Variants in SUN5 observed in about 807,000 individuals in gnomAD.
SUN5 encodes Sad1 and UNC84 domain containing 5, also known as SUN domain-containing protein 5.
SUN5 carries 44 observed loss-of-function variants against 53.7 expected under a neutral mutation model. The ratio of observed to expected loss-of-function variants is 0.82; its 90% CI spans 0.64 to 1.05. SUN5 has a LOEUF of 1.05. Among genes scored for constraint, SUN5 ranks in the 50% least tolerant of loss-of-function variants. The pLI, the probability that SUN5 is intolerant of heterozygous loss-of-function variation, is 0.00. For missense variants in SUN5, 433 were observed against 483.8 expected (o/e 0.90, Z 0.98); for synonymous variants, 166 against 179.8 (o/e 0.92, Z 0.62).
At chr20:32,997,548 T>G in intron 6 of SUN5, 90 bp downstream of exon 6, 1 of 1,467,824 alleles carries the variant, frequency 6.8e-7, no homozygotes, top group Non-Finnish European at 9.4e-7. Context: ...GGGGCCCCAT[T>G]TGGTGAGAAT....
intron 10 of SUN5, among the ~76,000 whole-genome samples, chr20:32,986,539 T>C (rs945067922): frequency 7.2e-5 from 11 of 152,002 alleles, no homozygotes; most frequent in African/African-American, 2.4e-4. Context: ...AGCCCAGGGG[T>C]GCAGGGGGCT....
chr20:32,985,368 G>A (rs1283785850), intron 11 of SUN5, among the ~76,000 whole-genome samples, 183 bp from the exon 12 acceptor site: 1 of 151,910 alleles, frequency 6.6e-6, no homozygotes, highest in Non-Finnish European at 1.5e-5. Flanking sequence ...TCAGAGCCTG[G>A]GGGTCTATGA....
intron 8 of SUN5, among the ~76,000 whole-genome samples, chr20:32,989,970 C>T (rs140149956): frequency 0.032 from 4,825 of 152,248 alleles, 104 homozygotes; most frequent in Non-Finnish European, 0.048. Flanking sequence ...GGGGCTCTGA[C>T]GTCAGGCCAA....
intron 2 of SUN5, 75 bp downstream of exon 2, chr20:33,002,786 G>T: frequency 1.2e-6 from 2 of 1,605,472 alleles, no homozygotes; most frequent in Admixed American, 3.4e-5. Flanking sequence ...GTAGCCCCAG[G>T]TTGCCCGTTT....
At chr20:33,000,706 G>A (rs998958561) in intron 4 of SUN5, among the ~76,000 whole-genome samples, 3 of 152,084 alleles carry the variant, frequency 2.0e-5, no homozygotes, top group Admixed American at 6.6e-5. Context: ...TTAGCCAGAC[G>A]TGGTGGTGTG....
Position 32,995,169 on chromosome 20 carries a change from A to G in SUN5, c.534+450T>C, listed in dbSNP as rs8120555. 6.6e-5 allele frequency among the ~76,000 whole-genome samples: 10 copies of G among 152,278 alleles called. No homozygotes were observed. In the East Asian group the frequency reaches 1.9e-3, roughly 29 times the overall value. On this transcript the variant is annotated intron_variant, in intron 8 of 12. Coordinates refer to ENST00000356173, the MANE Select transcript of SUN5 (RefSeq NM_080675.4). ...AAGTTTCCCAAAACTATTGAAAAAT[A>G]TCAACCCACAGATTTAATAAGCTCG... is the stretch of plus-strand genomic sequence containing the variant.
chr20:32,986,868 G>A (rs1280807043), intron 10 of SUN5, among the ~76,000 whole-genome samples: 1 of 152,170 alleles, frequency 6.6e-6, no homozygotes, highest in East Asian at 1.9e-4. Flanking sequence ...CTTGGCCTGT[G>A]CCCCTGCGTT....
intron 8 of SUN5, among the ~76,000 whole-genome samples, chr20:32,994,042 G>A (rs1366816934): frequency 6.6e-6 from 1 of 152,210 alleles, no homozygotes; most frequent in Admixed American, 6.5e-5. Flanking sequence ...TTGCGTTCAT[G>A]CAGGGGTGAG....
chr20:32,998,908 G>A (rs999259201), intron 5 of SUN5, among the ~76,000 whole-genome samples: 7 of 151,996 alleles, frequency 4.6e-5, no homozygotes, highest in African/African-American at 1.7e-4. Flanking sequence ...GATGGTGCAC[G>A]CTTATAGTCC....
chr20:32,990,637 C>T (rs992308570), intron 8 of SUN5, among the ~76,000 whole-genome samples: 1 of 152,208 alleles, frequency 6.6e-6, no homozygotes, highest in East Asian at 1.9e-4. Flanking sequence ...CCAGGCCACA[C>T]GGAGAGGCCA....
intron 3 of SUN5, 119 bp from the exon 4 acceptor site, chr20:33,001,397 G>T (rs1990004946): frequency 1.8e-6 from 2 of 1,130,294 alleles, no homozygotes; most frequent in South Asian, 2.8e-5. Flanking sequence ...CTCTCGACTT[G>T]TTGGCCGAGC....
chr20:33,002,793 G>C, intron 2 of SUN5, 68 bp downstream of exon 2: 2 of 1,607,806 alleles, frequency 1.2e-6, no homozygotes, highest in Non-Finnish European at 1.7e-6. Context: ...CAGGTTGCCC[G>C]TTTGACATCC....
intron 3 of SUN5, among the ~76,000 whole-genome samples, chr20:33,001,645 C>CCCTCCCTCCCT (rs1449898433): frequency 1.1e-5 from 1 of 91,070 alleles, no homozygotes; most frequent in Non-Finnish European, 2.0e-5. Flanking sequence ...TTCTTTTCCT[C>CCCTCCCTCCCT]CCTCCCTCCC....
At chr20:33,000,241 T>C in intron 4 of SUN5, 106 bp from the exon 5 acceptor site, 8 of 1,306,890 alleles carry the variant, frequency 6.1e-6, no homozygotes, top group Non-Finnish European at 8.3e-6. Context: ...GTTTGCCCTA[T>C]CCCTTCTTCT....
intron 10 of SUN5, among the ~76,000 whole-genome samples, chr20:32,986,152 C>A (rs1989532735): frequency 6.6e-6 from 1 of 152,236 alleles, no homozygotes; most frequent in East Asian, 1.9e-4. Flanking sequence ...TCCCCACTGG[C>A]ACCCATTCAT....
rs1209567419 is a variant in SUN5 at position 32,985,189 on chromosome 20, T to C, written c.898-4A>G. 6.2e-7 allele frequency: 1 copy of C among 1,613,802 alleles called. No homozygotes were observed. On this transcript the variant is annotated splice_region_variant and splice_polypyrimidine_tract_variant and intron_variant, in intron 11 of 12. Transcript: ENST00000356173. ...CCTTGGGGGAGCCCTCCATGCCCTGTGGAACCAGAACCAAGGTGAAGGCGT... is the reference window on the plus strand; with the variant it reads ...CCTTGGGGGAGCCCTCCATGCCCTGCGGAACCAGAACCAAGGTGAAGGCGT...
At position 32,985,099 on chromosome 20, in the gene SUN5, C is replaced by A. The variant is rs1453167677; in HGVS notation, c.984G>T (p.Gln328His). 1.2e-6 allele frequency: 2 copies of A among 1,614,002 alleles called. No homozygotes were observed. Among genetic ancestry groups the A allele is most frequent in the African/African-American group, 2.7e-5 (2 of 74,934 alleles). ...AGCACAGGCAGCTCTTCGCAGGTACCTGGAGTGGGAACATCTGGATGATGT... is the reference window on the plus strand; with the variant it reads ...AGCACAGGCAGCTCTTCGCAGGTACATGGAGTGGGAACATCTGGATGATGT... The part of the protein sequence containing the change: ...PENIIQMFPL[Q>H]NQPARAFSAV... The change falls in exon 12 of 13, where the codon CAG becomes CAT. Residue 328 changes from glutamine (Q) to histidine (H), a missense_variant and splice_region_variant. Coordinates refer to ENST00000356173, the MANE Select transcript of SUN5 (RefSeq NM_080675.4).
At chr20:33,003,991 G>A (rs1199896352) in intron 1 of SUN5, among the ~76,000 whole-genome samples, 1 of 152,190 alleles carries the variant, frequency 6.6e-6, no homozygotes, top group African/African-American at 2.4e-5. Flanking sequence ...TGAGGGAACG[G>A]AGCACATCAG....
intron 2 of SUN5, 39 bp downstream of exon 2, chr20:33,002,822 G>A (rs774820770): frequency 1.2e-5 from 19 of 1,612,742 alleles, no homozygotes; most frequent in Non-Finnish European, 1.6e-5. Context: ...CAGCCCCTCA[G>A]CTGCCCATGA....
Sources: allele counts gnomAD v4.1 joint callset (sites outside exome capture counted in the v4.1 genomes callset), GRCh38; gene constraint gnomAD v4.1.1; transcripts MANE v1.5; gene names NCBI Gene and HGNC (gene_info 2026-07-23, HGNC 2026-07-21).